Variants in UGGT2 observed in about 807,000 individuals in gnomAD.
UGGT2 encodes the protein UDP-glucose glycoprotein glucosyltransferase 2, also known as UDP-glucose:glycoprotein glucosyltransferase 2.
In UGGT2, 180 loss-of-function variants were observed where a neutral mutation model predicts 192.1. The ratio of observed to expected loss-of-function variants is 0.94; its 90% CI spans 0.83 to 1.06. UGGT2 has a LOEUF of 1.06. Ranked by LOEUF, UGGT2 falls within the 50% of genes least tolerant of loss-of-function variation. The probability of loss-of-function intolerance (pLI) is 0.00; values close to 1 mark genes in which losing one functional copy is unlikely to be tolerated. For synonymous variants in UGGT2, 580 were observed against 591.0 expected, an observed-to-expected ratio of 0.98 and a Z score of 0.27; for missense variants, 1,849 against 1,795.7, an observed-to-expected ratio of 1.03 and a Z score of -0.54.
intron 12 of UGGT2, among the ~76,000 whole-genome samples, chr13:95,960,354 C>T (rs1017025850): frequency 9.9e-5 from 15 of 152,100 alleles, no homozygotes; most frequent in African/African-American, 3.1e-4. Flanking sequence ...AAAAACAATT[C>T]AGGAAATAAG....
At chr13:96,014,539 A>T (rs1001926407) in intron 4 of UGGT2, among the ~76,000 whole-genome samples, 1 of 152,198 alleles carries the variant, frequency 6.6e-6, no homozygotes, top group Non-Finnish European at 1.5e-5. Flanking sequence ...ATTACTCAAC[A>T]GCAATATAGA....
intron 20 of UGGT2, among the ~76,000 whole-genome samples, chr13:95,919,643 C>T (rs2048786652): frequency 6.6e-6 from 1 of 152,056 alleles, no homozygotes; most frequent in Non-Finnish European, 1.5e-5. Context: ...ATATAGCTAA[C>T]AAGGGAAGTA....
chr13:96,016,810 G>C (rs1341013775), intron 4 of UGGT2, among the ~76,000 whole-genome samples: 1 of 152,204 alleles, frequency 6.6e-6, no homozygotes. Context: ...TCAGAACCAA[G>C]GATGGTAGAT....
intron 1 of UGGT2, among the ~76,000 whole-genome samples, chr13:96,048,734 A>G (rs921451688): frequency 6.6e-6 from 1 of 152,244 alleles, no homozygotes; most frequent in African/African-American, 2.4e-5. Flanking sequence ...TAGAAAATCT[A>G]GAAGAAATGG....
intron 38 of UGGT2, among the ~76,000 whole-genome samples, chr13:95,826,026 G>C (rs561882462): frequency 2.9e-4 from 44 of 151,814 alleles, no homozygotes; most frequent in African/African-American, 9.9e-4. Flanking sequence ...AAAATGATTC[G>C]ATATTAGGAA....
intron 20 of UGGT2, among the ~76,000 whole-genome samples, chr13:95,924,837 G>A (rs971596700): frequency 2.0e-5 from 3 of 152,312 alleles, no homozygotes; most frequent in South Asian, 4.1e-4. Flanking sequence ...TGGCATGTAA[G>A]TGAGTCATCT....
chr13:95,942,667 T>G (rs1047748036), intron 15 of UGGT2, among the ~76,000 whole-genome samples: 4 of 152,180 alleles, frequency 2.6e-5, no homozygotes, highest in African/African-American at 9.6e-5. Flanking sequence ...TTTTGAATTG[T>G]AGAAAATGTT....
At chr13:95,964,165 G>A (rs1465143638) in intron 12 of UGGT2, among the ~76,000 whole-genome samples, 2 of 152,086 alleles carry the variant, frequency 1.3e-5, no homozygotes, top group African/African-American at 2.4e-5. Flanking sequence ...ATAAATTCAT[G>A]TATTTATAGC....
At chr13:95,833,876 G>T (rs940815643) in intron 37 of UGGT2, among the ~76,000 whole-genome samples, 10 of 152,154 alleles carry the variant, frequency 6.6e-5, no homozygotes, top group African/African-American at 2.4e-4. Context: ...TATTTACAAA[G>T]AATTAAGGCA....
At chr13:96,042,382 A>C (rs1265251602) in intron 1 of UGGT2, among the ~76,000 whole-genome samples, 1 of 152,162 alleles carries the variant, frequency 6.6e-6, no homozygotes, top group Non-Finnish European at 1.5e-5. Flanking sequence ...TCAGCCCTAG[A>C]CCTTCCCTCT....
In UGGT2 at chr13:95,836,996, A is replaced by G. The variant is rs1887358282; in HGVS notation, c.4401+90T>C. The G allele has an allele frequency of 7.0e-6, 7 of 994,740 alleles. 1 individual carries two copies. Among genetic ancestry groups the G allele is most frequent in the Middle Eastern group, 4.2e-4 (2 of 4,746 alleles). 61.6% of individuals were successfully genotyped at this position (994,740 alleles called of 1,614,324 possible). ...CAGCAGAAGAAGCGAAGTAATACGT[A>G]TGCCACTCCCTTTGTAAAACAGAAA... On this transcript the variant is annotated intron_variant, in intron 37 of 38. Coordinates refer to ENST00000376747, the MANE Select transcript of UGGT2 (RefSeq NM_020121.4).
At chr13:95,914,523 C>T (rs1311724774) in intron 20 of UGGT2, among the ~76,000 whole-genome samples, 1 of 147,162 alleles carries the variant, frequency 6.8e-6, no homozygotes, top group Non-Finnish European at 1.5e-5. Flanking sequence ...GCCTATAATC[C>T]CAGCACTTTG....
chr13:95,824,591 A>C (rs1293502915), intron 38 of UGGT2, among the ~76,000 whole-genome samples: 1 of 152,080 alleles, frequency 6.6e-6, no homozygotes. Flanking sequence ...GAACCTTTCC[A>C]TGGCATTTTA....
intron 38 of UGGT2, among the ~76,000 whole-genome samples, chr13:95,803,627 G>A (rs1363295718): frequency 6.6e-6 from 1 of 152,096 alleles, no homozygotes; most frequent in Non-Finnish European, 1.5e-5. Flanking sequence ...TTTTGGGGTG[G>A]TGTACAGGAT....
At chr13:96,012,047 A>C (rs1234351710) in intron 5 of UGGT2, among the ~76,000 whole-genome samples, 1 of 152,108 alleles carries the variant, frequency 6.6e-6, no homozygotes, top group African/African-American at 2.4e-5. Flanking sequence ...GAACTACCAG[A>C]TATCAAAATA....
chr13:95,877,539 G>T, intron 28 of UGGT2, 159 bp downstream of exon 28: 1 of 1,041,668 alleles, frequency 9.6e-7, no homozygotes, highest in South Asian at 2.0e-5. Context: ...ATTAAAGTAT[G>T]ATTTTCCCCA....
At chr13:95,817,607 A>C (rs1885041194) in intron 38 of UGGT2, among the ~76,000 whole-genome samples, 1 of 152,218 alleles carries the variant, frequency 6.6e-6, no homozygotes, top group African/African-American at 2.4e-5. Flanking sequence ...TGGAAGGAAA[A>C]AAACCACAAT....
intron 36 of UGGT2, 132 bp downstream of exon 36, chr13:95,853,411 C>A: frequency 3.3e-6 from 2 of 602,126 alleles, no homozygotes; most frequent in African/African-American, 2.0e-5. Context: ...GTAGAAATAT[C>A]CAATAGATAA....
intron 38 of UGGT2, among the ~76,000 whole-genome samples, chr13:95,827,529 A>C (rs1472593472): frequency 1.3e-5 from 2 of 152,170 alleles, no homozygotes; most frequent in African/African-American, 4.8e-5. Flanking sequence ...GGACACCTTC[A>C]TCTTGGACTT....
Sources: gnomAD v4.1 joint callset for allele counts (sites outside exome capture counted in the v4.1 genomes callset) on GRCh38, gnomAD v4.1.1 for gene constraint, MANE v1.5 for transcripts, NCBI Gene and HGNC (gene_info 2026-07-23, HGNC 2026-07-21) for gene names.